The following TRIOBP variants were observed in gnomAD, a reference collection of about 807,000 sequenced individuals.
The protein encoded by TRIOBP is TRIO and F-actin binding protein.
A neutral mutation model predicts 238.8 loss-of-function variants in TRIOBP; 169 were observed. The observed-to-expected ratio is 0.71, with a 90% CI of 0.62 to 0.80. The LOEUF is 0.80. Ranked by LOEUF, TRIOBP falls within the 30% of genes least tolerant of loss-of-function variation. TRIOBP has a pLI of 0.00. For missense variants in TRIOBP, 2,838 were observed against 3,122.6 expected, an observed-to-expected ratio of 0.91 and a Z score of 2.17; for synonymous variants, 1,150 against 1,274.4, an observed-to-expected ratio of 0.90 and a Z score of 2.08.
intron 3 of TRIOBP, among the ~76,000 whole-genome samples, chr22:37,708,747 C>G (rs186886779): frequency 6.6e-6 from 1 of 152,172 alleles, no homozygotes; most frequent in Non-Finnish European, 1.5e-5. Context: ...GGGAAGTCAT[C>G]GGCCTGAGGT....
chr22:37,744,676 G>A (rs749873818), intron 11 of TRIOBP, among the ~76,000 whole-genome samples: 34 of 152,280 alleles, frequency 2.2e-4, no homozygotes, highest in Middle Eastern at 6.8e-3. Flanking sequence ...GACTGCCTGA[G>A]TGAGGTGCAA....
chr22:37,735,427 C>T lies in TRIOBP; in HGVS notation c.5091C>T (p.Ser1697=). 4 of 1,568,320 alleles carry T rather than the reference C, an allele frequency of 2.6e-6. No individual in the cohort carries two copies. The highest frequency in any genetic ancestry group is 1.7e-4 in the Middle Eastern group (1 of 5,956). ...LGSRSTAKGP[S]LPELQFQPEE... ...GCAGGAGCACTGCGAAGGGCCCCAGCTTGCCAGAGCTGCAGGTAAGGAGGT... is the reference window on the plus strand; with the variant it reads ...GCAGGAGCACTGCGAAGGGCCCCAGTTTGCCAGAGCTGCAGGTAAGGAGGT... The change falls in exon 9 of 24, where the codon AGC becomes AGT. Residue 1697 remains serine (S), a synonymous_variant. Transcript: ENST00000644935.
chr22:37,772,123 G>A (rs925219048), intron 22 of TRIOBP, among the ~76,000 whole-genome samples: 1 of 152,210 alleles, frequency 6.6e-6, no homozygotes, highest in African/African-American at 2.4e-5. Flanking sequence ...GGGTGGGTCA[G>A]GGTTCAGCCC....
At chr22:37,766,300 A>G (rs1015172743) in intron 18 of TRIOBP, among the ~76,000 whole-genome samples, 1 of 152,028 alleles carries the variant, frequency 6.6e-6, no homozygotes. Context: ...ATCCTGGACA[A>G]TTCCCTCCCC....
chr22:37,756,670 C>T (rs1057366825), intron 15 of TRIOBP, among the ~76,000 whole-genome samples: 20 of 152,324 alleles, frequency 1.3e-4, no homozygotes, highest in Non-Finnish European at 2.5e-4. Context: ...GGGGCTCGCT[C>T]TGCCGTTTCA....
Position 37,731,241 on chromosome 22 carries a change from G to A in TRIOBP, c.3948-2057G>A, listed in dbSNP as rs1023372611. ...CAGCCTCAACCTCCCAGGCTGAAGC[G>A]ATCCTCCCACCTCAGCTTCCCAAGT... On this transcript the variant is annotated intron_variant, in intron 7 of 23. Transcript: ENST00000644935. Among the ~76,000 whole-genome samples, 9 of 151,732 alleles carry A rather than the reference G, an allele frequency of 5.9e-5. No individual in the cohort carries two copies. Among genetic ancestry groups the A allele is most frequent in the Non-Finnish European group, 1.0e-4 (7 of 67,982 alleles).
rs367990804 is a variant in TRIOBP, at chr22:37,734,671, G to A, written c.4335G>A (p.Arg1445=). Residue 1445 remains arginine (R), a synonymous_variant, in exon 9 of 24, where the codon AGG becomes AGA. Coordinates refer to ENST00000644935, the MANE Select transcript of TRIOBP (RefSeq NM_001039141.3). ...AGGGCCCTCATAGACACCTAGAAAG[G>A]AGCTGGAGCAGCCAGGAGGGAGGCC... is the stretch of plus-strand genomic sequence containing the variant. ...GSQGPHRHLE[R]SWSSQEGGLG... The A allele has an allele frequency of 6.2e-7, 1 of 1,601,434 alleles. No homozygotes were observed. Among genetic ancestry groups the A allele is most frequent in the Non-Finnish European group, 8.5e-7 (1 of 1,174,582 alleles).
chr22:37,752,136 G>T (rs373385249), intron 12 of TRIOBP, among the ~76,000 whole-genome samples: 1 of 152,134 alleles, frequency 6.6e-6, no homozygotes, highest in Non-Finnish European at 1.5e-5. Context: ...GGAAGGGCTC[G>T]TAGAAGCTGT....
chr22:37,746,586 C>A (rs527805439), intron 11 of TRIOBP, among the ~76,000 whole-genome samples: 13 of 152,252 alleles, frequency 8.5e-5, no homozygotes, highest in Non-Finnish European at 1.5e-4. Context: ...TCGGCCAGAC[C>A]GGCCTCACCC....
chr22:37,723,131 T>C, intron 6 of TRIOBP, 54 bp from the exon 7 acceptor site: 1 of 1,583,536 alleles, frequency 6.3e-7, no homozygotes, highest in Non-Finnish European at 8.7e-7. Flanking sequence ...AGGTAGAATA[T>C]GAGAGCTGCC....
rs374415629 is a variant in TRIOBP, at chr22:37,725,036, C to A, written c.2480C>A (p.Ser827Tyr). ...ATTCAACAGAACATCCCCAGATCAT[C>A]TTCTACCCAACAAGACAACCCTAAA... ...TCIQQNIPRSSSTQQDNPKTS... is the reference protein window; with the variant it reads ...TCIQQNIPRSYSTQQDNPKTS... The change falls in exon 7 of 24, where the codon TCT becomes TAT. Residue 827 changes from serine (S) to tyrosine (Y), a missense_variant. Ser to Tyr is a moderately radical substitution (Grantham distance 144). Transcript: ENST00000644935. 3.1e-6 allele frequency: 5 copies of A among 1,614,112 alleles called. No individual in the cohort carries two copies.
chr22:37,751,940 G>C, intron 12 of TRIOBP, 112 bp downstream of exon 12: 1 of 931,204 alleles, frequency 1.1e-6, no homozygotes, highest in Non-Finnish European at 1.7e-6. Context: ...CTGGGGGTGG[G>C]GCTGGGAGGG....
rs1924095851 is a variant in TRIOBP at position 37,725,575 on chromosome 22, C to T, written c.3019C>T (p.Pro1007Ser). 1.2e-6 allele frequency: 2 copies of T among 1,613,888 alleles called. No homozygotes were observed. The highest frequency in any genetic ancestry group is 1.7e-6 in the Non-Finnish European group (2 of 1,179,996). ...PAAYGAPLTS[P>S]EPSQPPCAVC... ...TGCCTATGGGGCTCCCCTGACCTCT[C>T]CTGAGCCCTCCCAGCCTCCATGTGC... The change falls in exon 7 of 24, where the codon CCT becomes TCT. Residue 1007 changes from proline (P) to serine (S), a missense_variant. By Grantham distance (74) the Pro-to-Ser change is moderately conservative (BLOSUM62 -1). This residue lies in a region of TRIOBP where 2,096 missense variants were observed against 2,137.4 expected (regional missense o/e 0.98). Coordinates refer to ENST00000644935, the MANE Select transcript of TRIOBP (RefSeq NM_001039141.3).
At chr22:37,764,865 A>G (rs1357512941) in intron 17 of TRIOBP, among the ~76,000 whole-genome samples, 2 of 152,208 alleles carry the variant, frequency 1.3e-5, no homozygotes, top group East Asian at 1.9e-4. Flanking sequence ...TCTTCAGGGA[A>G]TTTATGGTTT....
At chr22:37,729,965 A>G (rs1309807737) in intron 7 of TRIOBP, among the ~76,000 whole-genome samples, 1 of 151,820 alleles carries the variant, frequency 6.6e-6, no homozygotes, top group Non-Finnish European at 1.5e-5. Context: ...TTGAGCATCT[A>G]CTCTGTCCAA....
intron 6 of TRIOBP, among the ~76,000 whole-genome samples, chr22:37,720,302 T>TGGG (rs1923760666): frequency 1.3e-5 from 2 of 151,682 alleles, no homozygotes; most frequent in South Asian, 4.2e-4. Context: ...CAGGCGTGAG[T>TGGG]GACCGTGCCC....
chr22:37,770,807 C>T (rs868380502), intron 21 of TRIOBP, among the ~76,000 whole-genome samples: 13 of 152,098 alleles, frequency 8.5e-5, no homozygotes, highest in South Asian at 6.2e-4. Flanking sequence ...CTCAGCCTCC[C>T]GAGTAGCTGG....
Position 37,747,660 on chromosome 22 carries a change from GGAGGA to G in TRIOBP, c.5323-4108_5323-4104del, listed in dbSNP as rs371912864. Reference sequence around the variant, plus strand: ...GAGCTGAGTCAGTGTCCTGGGGCCAGGAGGAGAGAAGTTGCCTTGCCCACCGGGTG... The same window carrying G: ...GAGCTGAGTCAGTGTCCTGGGGCCAGGAGAAGTTGCCTTGCCCACCGGGTG... On this transcript the variant is annotated intron_variant, in intron 11 of 23. Coordinates refer to ENST00000644935, the MANE Select transcript of TRIOBP (RefSeq NM_001039141.3). Among the ~76,000 whole-genome samples, 4 of 152,378 alleles carry G rather than the reference GGAGGA, an allele frequency of 2.6e-5. No homozygotes were observed. In the East Asian group the frequency reaches 7.7e-4, roughly 29 times the overall value.
In TRIOBP at chr22:37,757,959, G is replaced by T. The variant is rs1192897945; in HGVS notation, c.6034G>T (p.Ala2012Ser). ...TGAGGGGCCGCGCCGGGGCCTGGGTGCCCCCCTGACTGAGGACCAGCAAAA... is the reference window on the plus strand; with the variant it reads ...TGAGGGGCCGCGCCGGGGCCTGGGTTCCCCCCTGACTGAGGACCAGCAAAA... ...AGEGPRRGLGAPLTEDQQNRL... is the reference protein window; with the variant it reads ...AGEGPRRGLGSPLTEDQQNRL... Residue 2012 changes from alanine to serine, a missense_variant, in exon 16 of 24, where the codon GCC (alanine) becomes TCC (serine). Around this residue, in one of 5 missense-constraint regions of TRIOBP, gnomAD observed 2,096 missense variants for 2,137.4 expected, o/e 0.98. Coordinates refer to ENST00000644935, the MANE Select transcript of TRIOBP (RefSeq NM_001039141.3). The T allele has an allele frequency of 1.3e-6, 2 of 1,569,304 alleles. No individual in the cohort carries two copies. The highest frequency in any genetic ancestry group is 1.4e-5 in the African/African-American group (1 of 73,584).
Sources: allele counts gnomAD v4.1 joint callset (sites outside exome capture counted in the v4.1 genomes callset), GRCh38; gene constraint gnomAD v4.1.1; regional missense constraint gnomAD v4.1.1; transcripts MANE v1.5; gene names NCBI Gene and HGNC (gene_info 2026-07-23, HGNC 2026-07-21).